Variants in EPRS1 observed in about 807,000 individuals in gnomAD.
The protein encoded by EPRS1 is bifunctional glutamate/proline--tRNA ligase.
A neutral mutation model predicts 188.3 loss-of-function variants in EPRS1; 107 were observed. The ratio of observed to expected loss-of-function variants is 0.57; its 90% confidence interval spans 0.49 to 0.67. EPRS1 has a LOEUF of 0.67. Among genes scored for constraint, EPRS1 ranks in the 30% least tolerant of loss-of-function variants. The pLI is 0.00. For synonymous variants in EPRS1, 596 were observed against 593.1 expected (o/e 1.00, Z -0.07); for missense variants, 1,577 against 1,802.2 (o/e 0.88, Z 2.26).
chr1:220,039,883 T>C (rs1662260593), intron 2 of EPRS1, among the ~76,000 whole-genome samples: 1 of 152,204 alleles, frequency 6.6e-6, no homozygotes, highest in Non-Finnish European at 1.5e-5. Flanking sequence ...TTAACCCTAG[T>C]GCTTTGGGAT....
chr1:220,046,302 G>A (rs1262678908), intron 1 of EPRS1, 41 bp downstream of exon 1: 2 of 1,613,056 alleles, frequency 1.2e-6, no homozygotes, highest in Non-Finnish European at 1.7e-6. Context: ...ACCCTCCCTG[G>A]CTGATGCAAC....
At chr1:220,006,536 C>A (rs1661491226) in intron 14 of EPRS1, among the ~76,000 whole-genome samples, 1 of 152,034 alleles carries the variant, frequency 6.6e-6, no homozygotes, top group Non-Finnish European at 1.5e-5. Flanking sequence ...TAATCACTGA[C>A]ATCGAGATAC....
chr1:219,974,742 A>G (rs937541922), intron 28 of EPRS1, among the ~76,000 whole-genome samples: 1 of 152,192 alleles, frequency 6.6e-6, no homozygotes, highest in Admixed American at 6.5e-5. Context: ...TGCTTTAGTT[A>G]TTTATCCAAT....
intron 16 of EPRS1, among the ~76,000 whole-genome samples, chr1:220,004,880 T>G (rs547220684): frequency 1.3e-5 from 2 of 152,134 alleles, no homozygotes; most frequent in South Asian, 4.2e-4. Context: ...TCTAAATGTA[T>G]GCTGTTTGTA....
Position 219,988,734 on chromosome 1 carries a change from G to A in EPRS1, c.2631C>T (p.Pro877=), listed in dbSNP as rs751801012. 1.2e-6 allele frequency: 2 copies of A among 1,613,686 alleles called. No homozygotes were observed. The highest frequency in any genetic ancestry group is 2.7e-5 in the African/African-American group (2 of 74,878). The change falls in exon 19 of 32, where the codon CCC becomes CCT. Residue 877 remains proline, a synonymous_variant. Coordinates refer to ENST00000366923, the MANE Select transcript of EPRS1 (RefSeq NM_004446.3). ...KTGKEYIPGQ[P]PLSQSSDSSP... is the part of the protein sequence containing the mutation. ...TTGAATCCGAACTTTGAGATAATGGGGGCTGACCAGGTATGTACTCCTTCC... is the reference window on the plus strand; with the variant it reads ...TTGAATCCGAACTTTGAGATAATGGAGGCTGACCAGGTATGTACTCCTTCC...
At chr1:220,005,467 GAT>G (rs1411603789) in intron 15 of EPRS1, 107 bp from the exon 16 acceptor site, 1 of 566,554 alleles carries the variant, frequency 1.8e-6, no homozygotes, top group African/African-American at 2.0e-5. Context: ...ATTTTAAACA[GAT>G]ATGTTAAAAA....
chr1:220,004,089 G>A (rs893437468), intron 16 of EPRS1, among the ~76,000 whole-genome samples: 1 of 152,204 alleles, frequency 6.6e-6, no homozygotes, highest in Non-Finnish European at 1.5e-5. Flanking sequence ...GTGTGGTGGT[G>A]CAATTATAGG....
chr1:220,011,106 G>C lies in EPRS1; in HGVS notation c.1495-50C>G, dbSNP rs369173095. ...AAAACACTGCGATATCTTATAGAGC[G>C]CCATAAGCAAAATAAATAATAGCAC... On this transcript the variant is annotated intron_variant, in intron 12 of 31. Transcript: ENST00000366923. The C allele has an allele frequency of 3.8e-6, 4 of 1,042,154 alleles. No individual in the cohort carries two copies. The African/African-American group carries it at 6.3e-5, about 17-fold the overall frequency. 64.6% of individuals were successfully genotyped at this position (1,042,154 alleles called of 1,614,324 possible).
intron 25 of EPRS1, 82 bp downstream of exon 25, chr1:219,980,674 T>C (rs1660877340): frequency 1.1e-6 from 1 of 909,260 alleles, no homozygotes; most frequent in East Asian, 2.6e-5. Flanking sequence ...TAACAGGTGT[T>C]ACATACATTT....
At chr1:220,040,925 TA>T (rs76831282) in intron 1 of EPRS1, among the ~76,000 whole-genome samples, 494 of 130,226 alleles carry the variant, frequency 3.8e-3, no homozygotes, top group African/African-American at 4.5e-3. Flanking sequence ...TTTAAAAAAC[TA>T]AAAAAAAAAA....
intron 12 of EPRS1, chr1:220,018,095 G>A (rs181248585): frequency 1.3e-5 from 17 of 1,274,488 alleles, no homozygotes; most frequent in Non-Finnish European, 1.6e-5. Flanking sequence ...TAAAAGCTAT[G>A]TTTAAGGCAA....
intron 6 of EPRS1, among the ~76,000 whole-genome samples, chr1:220,027,612 A>T (rs928877497): frequency 2.8e-5 from 4 of 143,834 alleles, no homozygotes; most frequent in African/African-American, 7.8e-5. Flanking sequence ...AAAAAAAAGG[A>T]GGGTTTATAT....
At chr1:220,009,364 G>A (rs745307506) in intron 13 of EPRS1, among the ~76,000 whole-genome samples, 9 of 152,166 alleles carry the variant, frequency 5.9e-5, no homozygotes, top group Non-Finnish European at 1.3e-4. Flanking sequence ...ACTAGTATAT[G>A]CGTTAGTCTG....
At position 219,996,987 on chromosome 1, in the gene EPRS1, G is replaced by A. The variant is rs1661247414; in HGVS notation, c.2537C>T (p.Pro846Leu). 6.3e-7 allele frequency: 1 copy of A among 1,592,786 alleles called. No individual in the cohort carries two copies. The highest frequency in any genetic ancestry group is 1.3e-5 in the African/African-American group (1 of 74,358). ...GACTTTCTCTAACATACTGACCTTA[G>A]GGGATTTTTCAGCTTTTAGCTTACG... ...VVRKLKAEKS[P>L]KAKINEAVEC... Residue 846 changes from proline (P) to leucine (L), a missense_variant, in exon 18 of 32, where the codon CCT (proline) becomes CTT (leucine). Physicochemically the swap from Pro to Leu is moderately conservative, Grantham distance 98. Coordinates refer to ENST00000366923, the MANE Select transcript of EPRS1 (RefSeq NM_004446.3).
intron 1 of EPRS1, 150 bp downstream of exon 1, chr1:220,046,193 C>G: frequency 1.1e-6 from 1 of 899,918 alleles, no homozygotes; most frequent in Non-Finnish European, 1.7e-6. Context: ...GGTGCGGAGC[C>G]TCCTCCACGT....
chr1:220,027,713 T>C (rs1662008232), intron 6 of EPRS1, among the ~76,000 whole-genome samples: 1 of 151,930 alleles, frequency 6.6e-6, no homozygotes. Context: ...CCGGGTGCAG[T>C]GGCTCATGCC....
intron 18 of EPRS1, 108 bp from the exon 19 acceptor site, chr1:219,988,931 T>A: frequency 1.5e-6 from 1 of 653,668 alleles, no homozygotes; most frequent in Non-Finnish European, 2.6e-6. Context: ...CATAAGTTAA[T>A]CATGGGGAAA....
rs1398246615 is a variant in EPRS1, at chr1:219,968,915, T to C, written c.4430A>G (p.Lys1477Arg). The change falls in exon 32 of 32, where the codon AAA becomes AGA. Residue 1477 changes from lysine to arginine, a missense_variant. Lys to Arg is a conservative substitution (Grantham distance 26, BLOSUM62 2). Around this residue, in one of 3 missense-constraint regions of EPRS1, gnomAD observed 296 missense variants for 327.9 expected, o/e 0.90. Coordinates refer to ENST00000366923, the MANE Select transcript of EPRS1 (RefSeq NM_004446.3). ...LEPGAPSMGAKSLCIPFKPLC... is the reference protein window; with the variant it reads ...LEPGAPSMGARSLCIPFKPLC... ...TGGTTTGAAGGGGATGCAAAGGCTT[T>C]TAGCTCCCATGGATGGAGCACCAGG... The C allele has an allele frequency of 6.2e-7, 1 of 1,613,968 alleles. No individual in the cohort carries two copies. The highest frequency in any genetic ancestry group is 8.5e-7 in the Non-Finnish European group (1 of 1,179,948).
chr1:220,016,577 A>ATTTTTT (rs57664248), intron 12 of EPRS1, among the ~76,000 whole-genome samples: 5,935 of 69,356 alleles, frequency 0.086, 432 homozygotes, highest in Non-Finnish European at 0.11. Context: ...GGCCTAGCTA[A>ATTTTTT]TTTTTTTTTT....
Sources: allele counts gnomAD v4.1 joint callset (sites outside exome capture counted in the v4.1 genomes callset), GRCh38; gene constraint gnomAD v4.1.1; regional missense constraint gnomAD v4.1.1; transcripts MANE v1.5; gene names NCBI Gene and HGNC (gene_info 2026-07-23, HGNC 2026-07-21).